The following SYN3 variants were observed in gnomAD, a reference collection of about 807,000 sequenced individuals.
The protein encoded by SYN3 is synapsin III.
SYN3 carries 35 observed loss-of-function variants against 65.8 expected under a neutral mutation model. The observed-to-expected ratio is 0.53, with a 90% CI of 0.41 to 0.70. The LOEUF (loss-of-function observed/expected upper bound fraction) is 0.70. Among genes scored for constraint, SYN3 ranks in the 30% least tolerant of loss-of-function variants. SYN3 has a pLI of 0.00. For synonymous variants in SYN3, 270 were observed against 292.9 expected, an observed-to-expected ratio of 0.92 and a Z score of 0.80; for missense variants, 680 against 749.0, an observed-to-expected ratio of 0.91 and a Z score of 1.08.
chr22:32,934,398 G>C (rs747208138), intron 3 of SYN3, among the ~76,000 whole-genome samples: 1 of 152,184 alleles, frequency 6.6e-6, no homozygotes, highest in Non-Finnish European at 1.5e-5. Flanking sequence ...ATCTTGTTCA[G>C]ATGTGGGTGT....
intron 6 of SYN3, among the ~76,000 whole-genome samples, chr22:32,698,777 C>A (rs1316200728): frequency 6.6e-6 from 1 of 152,146 alleles, no homozygotes; most frequent in Admixed American, 6.5e-5. Context: ...TAATATCACT[C>A]TTTGGTGATT....
intron 6 of SYN3, among the ~76,000 whole-genome samples, chr22:32,740,047 A>C (rs1401278471): frequency 6.6e-6 from 1 of 152,258 alleles, no homozygotes; most frequent in East Asian, 1.9e-4. Context: ...ACTTGAAACC[A>C]CATCATATAA....
intron 3 of SYN3, among the ~76,000 whole-genome samples, chr22:32,938,103 T>C (rs1433473837): frequency 1.3e-5 from 2 of 151,382 alleles, no homozygotes; most frequent in Non-Finnish European, 2.9e-5. Flanking sequence ...GAAGAGAAAA[T>C]CTTCAAAGCA....
intron 1 of SYN3, among the ~76,000 whole-genome samples, chr22:33,031,793 A>G (rs2053759647): frequency 6.6e-6 from 1 of 152,106 alleles, no homozygotes; most frequent in Non-Finnish European, 1.5e-5. Context: ...CTTGGCCAAG[A>G]GGACCCCAGA....
chr22:32,752,975 A>C lies in SYN3; in HGVS notation c.711+111940T>G, dbSNP rs73881789. Among the ~76,000 whole-genome samples, 1,470 of 152,302 alleles carry C rather than the reference A, an allele frequency of 9.7e-3. 32 individuals are homozygous for C. The highest frequency in any genetic ancestry group is 0.034 in the African/African-American group (1,432 of 41,572). ...CTGGGGAACAGCTCCAGCCTCCCCC[A>C]GAACCACTGAAACCACCAGAAGGGT... On this transcript the variant is annotated intron_variant, in intron 6 of 13. Transcript: ENST00000358763.
intron 6 of SYN3, among the ~76,000 whole-genome samples, chr22:32,630,202 T>G (rs2059728646): frequency 6.6e-6 from 1 of 152,058 alleles, no homozygotes; most frequent in African/African-American, 2.4e-5. Context: ...CAAGATGATC[T>G]CCATCTCTTG....
chr22:32,954,842 GTT>G (rs113333839), intron 3 of SYN3, among the ~76,000 whole-genome samples: 1 of 140,784 alleles, frequency 7.1e-6, no homozygotes, highest in African/African-American at 2.6e-5. Flanking sequence ...TTCTGTAAAT[GTT>G]TTTTTTTTTT....
At chr22:32,664,859 G>T (rs993305085) in intron 6 of SYN3, among the ~76,000 whole-genome samples, 5 of 151,472 alleles carry the variant, frequency 3.3e-5, no homozygotes, top group Admixed American at 1.3e-4. Context: ...CAATCTGCCC[G>T]CCTCCACCTC....
chr22:32,762,884 G>C (rs1602088065), intron 6 of SYN3, among the ~76,000 whole-genome samples: 1 of 152,192 alleles, frequency 6.6e-6, no homozygotes, highest in East Asian at 1.9e-4. Context: ...GGAAGAGCTT[G>C]GTAAGCCAGA....
intron 6 of SYN3, among the ~76,000 whole-genome samples, chr22:32,796,971 C>T (rs1206634635): frequency 6.6e-6 from 1 of 152,124 alleles, no homozygotes; most frequent in Non-Finnish European, 1.5e-5. Context: ...GGTGGAGGAG[C>T]TCCGGCAGCC....
At chr22:32,834,081 A>G (rs946240753) in intron 6 of SYN3, among the ~76,000 whole-genome samples, 9 of 151,966 alleles carry the variant, frequency 5.9e-5, no homozygotes. Context: ...ATGTATTCCA[A>G]TTTGTTCTGT....
chr22:32,931,350 G>A, intron 4 of SYN3, 40 bp downstream of exon 4: 1 of 1,377,212 alleles, frequency 7.3e-7, no homozygotes, highest in Non-Finnish European at 1.0e-6. Flanking sequence ...TTCCACGTAT[G>A]CAATTCTCAG....
At chr22:32,688,229 G>A (rs1052400812) in intron 6 of SYN3, among the ~76,000 whole-genome samples, 1 of 152,106 alleles carries the variant, frequency 6.6e-6, no homozygotes, top group Non-Finnish European at 1.5e-5. Flanking sequence ...TGAAGGTCAG[G>A]GGGTCATAAG....
At chr22:32,993,599 C>T (rs1214312987) in intron 2 of SYN3, among the ~76,000 whole-genome samples, 1 of 152,210 alleles carries the variant, frequency 6.6e-6, no homozygotes, top group African/African-American at 2.4e-5. Flanking sequence ...CCGCCTTGGC[C>T]TCCCAAAGTG....
intron 6 of SYN3, among the ~76,000 whole-genome samples, chr22:32,807,646 G>T (rs137903530): frequency 6.7e-6 from 1 of 150,250 alleles, no homozygotes; most frequent in Non-Finnish European, 1.5e-5. Flanking sequence ...CTCGTTTAAG[G>T]TTATACTGCT....
intron 6 of SYN3, among the ~76,000 whole-genome samples, chr22:32,812,070 C>T (rs1048789468): frequency 1.3e-5 from 2 of 152,146 alleles, no homozygotes; most frequent in African/African-American, 4.8e-5. Flanking sequence ...ACTCTGGAGT[C>T]CCCTTGGTGA....
intron 4 of SYN3, among the ~76,000 whole-genome samples, chr22:32,903,073 A>T (rs538017045): frequency 6.6e-6 from 1 of 152,286 alleles, no homozygotes; most frequent in East Asian, 1.9e-4. Flanking sequence ...ATGATAATTG[A>T]TGCTCAGCCC....
At chr22:32,986,237 T>A (rs1357626181) in intron 2 of SYN3, among the ~76,000 whole-genome samples, 1 of 152,080 alleles carries the variant, frequency 6.6e-6, no homozygotes, top group Non-Finnish European at 1.5e-5. Flanking sequence ...TGTAATACAG[T>A]CACAGGTCTA....
At chr22:32,898,550 GC>G (rs1202251043) in intron 4 of SYN3, among the ~76,000 whole-genome samples, 1 of 152,198 alleles carries the variant, frequency 6.6e-6, no homozygotes, top group Non-Finnish European at 1.5e-5. Context: ...TTAGTAGAGG[GC>G]TTGACACATA....
Sources: allele counts gnomAD v4.1 joint callset (sites outside exome capture counted in the v4.1 genomes callset), GRCh38; gene constraint gnomAD v4.1.1; transcripts MANE v1.5; gene names NCBI Gene and HGNC (gene_info 2026-07-23, HGNC 2026-07-21).